The following LHFPL2 variants were observed in gnomAD, a reference collection of about 807,000 sequenced individuals.
LHFPL2 encodes the protein LHFPL tetraspan subfamily member 2, also known as LHFPL tetraspan subfamily member 2 protein.
A neutral mutation model predicts 17.5 loss-of-function variants in LHFPL2; 7 were observed. The observed-to-expected ratio is 0.40, with a 90% CI of 0.23 to 0.75. LHFPL2 has a LOEUF of 0.75. LHFPL2 is among the 30% of genes least tolerant of loss of function. The pLI, the probability that LHFPL2 is intolerant of heterozygous loss-of-function variation, is 0.37. For synonymous variants in LHFPL2, 134 were observed against 116.2 expected, an observed-to-expected ratio of 1.15 and a Z score of -0.99; for missense variants, 241 against 294.8, an observed-to-expected ratio of 0.82 and a Z score of 1.34.
In LHFPL2 at chr5:78,621,687, C is replaced by T. The variant is rs146690011; in HGVS notation, c.-245+10577G>A. Among the ~76,000 whole-genome samples the T allele has an allele frequency of 3.3e-3, 498 of 152,286 alleles. 1 individual carries two copies. Among genetic ancestry groups the T allele is most frequent in the African/African-American group, 0.011 (456 of 41,558 alleles). On this transcript the variant is annotated intron_variant, in intron 2 of 4. Coordinates refer to ENST00000380345, the MANE Select transcript of LHFPL2 (RefSeq NM_005779.3). ...TCCTCTTAAAACGTGGTTTCAATGACACCAATACATGGCAAGTAAAACCAC... is the reference window on the plus strand; with the variant it reads ...TCCTCTTAAAACGTGGTTTCAATGATACCAATACATGGCAAGTAAAACCAC...
chr5:78,597,891 A>C (rs1192528017), intron 2 of LHFPL2, among the ~76,000 whole-genome samples: 1 of 152,150 alleles, frequency 6.6e-6, no homozygotes, highest in Non-Finnish European at 1.5e-5. Context: ...AAATACAGAC[A>C]CCTGGGTCCA....
At chr5:78,524,666 C>T (rs765431672) in intron 3 of LHFPL2, among the ~76,000 whole-genome samples, 2 of 150,016 alleles carry the variant, frequency 1.3e-5, no homozygotes, top group Non-Finnish European at 2.9e-5. Flanking sequence ...CGCTTGAACC[C>T]AGAAGGCAGA....
chr5:78,612,030 T>G (rs995603703), intron 2 of LHFPL2, among the ~76,000 whole-genome samples: 2 of 152,228 alleles, frequency 1.3e-5, no homozygotes, highest in African/African-American at 4.8e-5. Flanking sequence ...CTATTTTTAT[T>G]TATTTGTTTC....
rs371765840 is a variant in LHFPL2, at chr5:78,505,067, G to A, written c.430+4717C>T. On this transcript the variant is annotated intron_variant, in intron 4 of 4. Coordinates refer to ENST00000380345, the MANE Select transcript of LHFPL2 (RefSeq NM_005779.3). ...ATCCTGAGCTCAGTTTAATGGCTTC[G>A]GTCCCAAACCTGAGTCACTGGGGAT... is the stretch of plus-strand genomic sequence containing the variant. 4.6e-5 allele frequency among the ~76,000 whole-genome samples: 7 copies of A among 152,152 alleles called. No homozygotes were observed. In the South Asian group the frequency reaches 6.2e-4, roughly 14 times the overall value.
At chr5:78,576,500 G>C (rs930854065) in intron 2 of LHFPL2, among the ~76,000 whole-genome samples, 1 of 152,098 alleles carries the variant, frequency 6.6e-6, no homozygotes, top group Non-Finnish European at 1.5e-5. Context: ...AGGTGCTCAT[G>C]AACCATGAGC....
At chr5:78,599,708 G>C (rs572401160) in intron 2 of LHFPL2, among the ~76,000 whole-genome samples, 5 of 152,042 alleles carry the variant, frequency 3.3e-5, no homozygotes, top group Admixed American at 2.6e-4. Context: ...AAACATAAAG[G>C]CTTGCTGCCT....
chr5:78,543,454 A>C (rs949170138), intron 3 of LHFPL2, among the ~76,000 whole-genome samples: 2 of 152,210 alleles, frequency 1.3e-5, no homozygotes, highest in African/African-American at 4.8e-5. Flanking sequence ...GCAGGGGCAC[A>C]GCATGCATCC....
chr5:78,506,266 A>G (rs1754928235), intron 4 of LHFPL2, among the ~76,000 whole-genome samples: 1 of 152,208 alleles, frequency 6.6e-6, no homozygotes, highest in South Asian at 2.1e-4. Flanking sequence ...GCCTATTTAT[A>G]TCTTAAAATT....
intron 3 of LHFPL2, among the ~76,000 whole-genome samples, chr5:78,514,781 A>G (rs184663001): frequency 6.5e-4 from 99 of 152,332 alleles, no homozygotes; most frequent in African/African-American, 2.3e-3. Flanking sequence ...ATGCCAGGAC[A>G]AACAATGTTT....
intron 4 of LHFPL2, among the ~76,000 whole-genome samples, chr5:78,498,274 G>A (rs1754669463): frequency 6.6e-6 from 1 of 152,162 alleles, no homozygotes; most frequent in East Asian, 1.9e-4. Context: ...GGGTGGGGGT[G>A]TGTTTTTCTG....
chr5:78,508,452 A>T (rs1755001898), intron 4 of LHFPL2, among the ~76,000 whole-genome samples: 1 of 152,166 alleles, frequency 6.6e-6, no homozygotes, highest in African/African-American at 2.4e-5. Flanking sequence ...ATCAGAACTA[A>T]GGAGCAGGCC....
intron 2 of LHFPL2, among the ~76,000 whole-genome samples, chr5:78,605,845 A>G (rs1029916116): frequency 6.6e-6 from 1 of 152,190 alleles, no homozygotes; most frequent in African/African-American, 2.4e-5. Flanking sequence ...AATATTAATC[A>G]TCTTACATTT....
In LHFPL2 at chr5:78,584,858, C is replaced by T. The variant is rs562021425; in HGVS notation, c.-244-19987G>A. On this transcript the variant is annotated intron_variant, in intron 2 of 4. Coordinates refer to ENST00000380345, the MANE Select transcript of LHFPL2 (RefSeq NM_005779.3). Reference sequence around the variant, plus strand: ...CTCTGTTTACCTAAGCAAGCCTGGGCAATGGCGGGCACCCCTCCCCCAGCC... The same window carrying T: ...CTCTGTTTACCTAAGCAAGCCTGGGTAATGGCGGGCACCCCTCCCCCAGCC... 3.4e-3 allele frequency among the ~76,000 whole-genome samples: 514 copies of T among 152,260 alleles called. 4 individuals are homozygous for T. Among genetic ancestry groups the T allele is most frequent in the African/African-American group, 0.012 (498 of 41,560 alleles).
intron 4 of LHFPL2, among the ~76,000 whole-genome samples, chr5:78,506,086 C>T (rs1365512911): frequency 1.3e-5 from 2 of 152,240 alleles, no homozygotes; most frequent in Admixed American, 6.5e-5. Flanking sequence ...TATCTGGATT[C>T]ACATAACAGG....
chr5:78,507,973 CACAT>C (rs968652823), intron 4 of LHFPL2, among the ~76,000 whole-genome samples: 19 of 147,550 alleles, frequency 1.3e-4, no homozygotes, highest in East Asian at 2.0e-4. Context: ...CACACACACA[CACAT>C]GCCCCTGAGG....
intron 3 of LHFPL2, among the ~76,000 whole-genome samples, chr5:78,550,789 TG>T (rs1296445616): frequency 6.6e-6 from 1 of 152,188 alleles, no homozygotes; most frequent in Non-Finnish European, 1.5e-5. Flanking sequence ...CAGGCTGGTC[TG>T]GAACTCCTCA....
intron 2 of LHFPL2, among the ~76,000 whole-genome samples, chr5:78,618,525 C>T (rs1268043298): frequency 6.6e-6 from 1 of 152,174 alleles, no homozygotes; most frequent in Non-Finnish European, 1.5e-5. Context: ...TCCACTGAAG[C>T]GCCCAGATAT....
chr5:78,644,995 T>C (rs761282448), intron 1 of LHFPL2: 23 of 152,676 alleles, frequency 1.5e-4, no homozygotes, highest in Non-Finnish European at 3.2e-4. Flanking sequence ...TGGCCAGTAG[T>C]TGTGCTCAGC....
At chr5:78,547,532 C>A (rs1756316267) in intron 3 of LHFPL2, among the ~76,000 whole-genome samples, 1 of 152,202 alleles carries the variant, frequency 6.6e-6, no homozygotes. Context: ...AAGGTCAATC[C>A]AATCTATCAA....
Sources: gnomAD v4.1 joint callset for allele counts (sites outside exome capture counted in the v4.1 genomes callset) on GRCh38, gnomAD v4.1.1 for gene constraint, MANE v1.5 for transcripts, NCBI Gene and HGNC (gene_info 2026-07-23, HGNC 2026-07-21) for gene names.